Variants in STX7 observed in about 807,000 individuals in gnomAD.
The protein encoded by STX7 is syntaxin 7.
In STX7, 34 loss-of-function variants were observed where a neutral mutation model predicts 39.6. The ratio of observed to expected loss-of-function variants is 0.86; its 90% CI spans 0.65 to 1.14. The LOEUF is 1.14. STX7 is among the 50% of genes most tolerant of loss of function. The pLI is 0.00. For missense variants in STX7, 284 were observed against 310.4 expected, an observed-to-expected ratio of 0.92 and a Z score of 0.64; for synonymous variants, 119 against 99.1, an observed-to-expected ratio of 1.20 and a Z score of -1.19.
intron 2 of STX7, among the ~76,000 whole-genome samples, chr6:132,490,486 G>C (rs567840734): frequency 6.6e-6 from 1 of 152,272 alleles, no homozygotes; most frequent in South Asian, 2.1e-4. Context: ...TTATAGAATG[G>C]GGGAGCAGGT....
At chr6:132,505,934 G>C (rs888150639) in intron 1 of STX7, among the ~76,000 whole-genome samples, 1 of 152,048 alleles carries the variant, frequency 6.6e-6, no homozygotes, top group Non-Finnish European at 1.5e-5. Flanking sequence ...CAGAAGTAAA[G>C]TCACATATCT....
chr6:132,486,096 CT>C (rs548514764), intron 2 of STX7, among the ~76,000 whole-genome samples: 3 of 152,176 alleles, frequency 2.0e-5, no homozygotes, highest in South Asian at 4.1e-4. Flanking sequence ...TTCTAGCAGG[CT>C]TTTTTAAATT....
rs1774048028 is a variant in STX7, at chr6:132,447,737, T to C, written c.*13021A>G. 1 of 152,154 alleles carries C rather than the reference T, an allele frequency of 6.6e-6. No individual in the cohort carries two copies. The highest frequency in any genetic ancestry group is 2.1e-4 in the South Asian group (1 of 4,828). The allele number at this position is 152,154 out of a possible 1,614,324, so 9.4% of individuals were successfully genotyped here. A position where few individuals can be genotyped will look rare whatever the true frequency, so the allele number is the denominator to read the frequency against. ...TATCCTAACCAGGTATATTTGCTTGTTTTATTTTCCCTAATTCTACTTTTT... is the reference window on the plus strand; with the variant it reads ...TATCCTAACCAGGTATATTTGCTTGCTTTATTTTCCCTAATTCTACTTTTT... On this transcript the variant is annotated 3_prime_UTR_variant, in exon 10 of 10. Transcript: ENST00000367941.
Position 132,460,815 on chromosome 6 carries a change from A to G in STX7, c.729T>C (p.Leu243=). Residue 243 remains leucine, a synonymous_variant, in exon 10 of 10, where the codon CTT becomes CTC. Transcript: ENST00000367941. ...TAATCGCAACTCCAATGACAAGGAT[A>G]AGAATGATGATGCACAGGGTTTTTC... ...KSRKTLCIII[L]ILVIGVAIIS... 1 of 1,613,676 alleles carries G rather than the reference A, an allele frequency of 6.2e-7. No individual in the cohort carries two copies. The highest frequency in any genetic ancestry group is 8.5e-7 in the Non-Finnish European group (1 of 1,179,810).
At chr6:132,510,674 C>G (rs1435321203) in intron 1 of STX7, among the ~76,000 whole-genome samples, 1 of 152,120 alleles carries the variant, frequency 6.6e-6, no homozygotes, top group East Asian at 1.9e-4. Flanking sequence ...ATTCATAGAC[C>G]ACTTCCATTA....
chr6:132,497,416 G>T (rs1775444268), intron 2 of STX7, among the ~76,000 whole-genome samples: 1 of 152,070 alleles, frequency 6.6e-6, no homozygotes, highest in Non-Finnish European at 1.5e-5. Context: ...GGCATGAAGG[G>T]GTGTAAGCAC....
intron 5 of STX7, 126 bp downstream of exon 5, chr6:132,471,337 T>C (rs765754869): frequency 9.0e-7 from 1 of 1,108,734 alleles, no homozygotes; most frequent in South Asian, 2.0e-5. Context: ...AAAATAAATA[T>C]TCAAGAGCTG....
rs17191957 is a variant in STX7, at chr6:132,471,270, A to C, written c.387+193T>G. ...AATCTTCTGTACTATGACACAAAAA[A>C]TCACCACCGTAATACAAAATTATCA... On this transcript the variant is annotated intron_variant, in intron 5 of 9. Transcript: ENST00000367941. Among the ~76,000 whole-genome samples, 3,739 of 152,352 alleles carry C rather than the reference A, an allele frequency of 0.025. 64 individuals carry two copies. Among genetic ancestry groups the C allele is most frequent in the Non-Finnish European group, 0.039 (2,678 of 68,026 alleles).
At position 132,503,451 on chromosome 6, in the gene STX7, T is replaced by A. The variant is rs777920429; in HGVS notation, c.80A>T (p.Gln27Leu). The change falls in exon 2 of 10, where the codon CAG (glutamine) becomes CTG (leucine). Residue 27 changes from glutamine (Q) to leucine (L), a missense_variant. By Grantham distance (113) the Gln-to-Leu change is moderately radical (BLOSUM62 -2). Transcript: ENST00000367941. Reference sequence around the variant, plus strand: ...CCATTTAAAACTCAACTCACAACACTGTGTGATCTTCTGGATGTTAGAAGA... The same window carrying A: ...CCATTTAAAACTCAACTCACAACACAGTGTGATCTTCTGGATGTTAGAAGA... ...RISSNIQKIT[Q>L]CSVEIQRTLN... is the part of the protein sequence containing the mutation. The A allele has an allele frequency of 3.1e-6, 5 of 1,613,764 alleles. No homozygotes were observed. In the Admixed American group the frequency reaches 6.7e-5, roughly 22 times the overall value.
intron 2 of STX7, among the ~76,000 whole-genome samples, chr6:132,484,650 T>C (rs1375253572): frequency 2.6e-5 from 4 of 151,966 alleles, no homozygotes; most frequent in South Asian, 2.1e-4. Flanking sequence ...CAGCCAAACA[T>C]AGAAAAAAAA....
At chr6:132,502,715 C>T (rs914684169) in intron 2 of STX7, among the ~76,000 whole-genome samples, 5 of 151,828 alleles carry the variant, frequency 3.3e-5, no homozygotes, top group Admixed American at 6.6e-5. Flanking sequence ...CTGGCTAACA[C>T]GGTGAAACCC....
intron 2 of STX7, among the ~76,000 whole-genome samples, chr6:132,479,804 C>A (rs187739130): frequency 1.3e-5 from 2 of 152,230 alleles, no homozygotes; most frequent in Non-Finnish European, 1.5e-5. Flanking sequence ...TTTCATTCAT[C>A]CTTTGGACTT....
At chr6:132,496,483 C>T (rs543216814) in intron 2 of STX7, among the ~76,000 whole-genome samples, 1 of 152,264 alleles carries the variant, frequency 6.6e-6, no homozygotes, top group East Asian at 1.9e-4. Context: ...AAAAATAATA[C>T]ATAAGCCTTG....
intron 1 of STX7, among the ~76,000 whole-genome samples, chr6:132,508,740 G>A (rs1028378731): frequency 7.8e-6 from 1 of 128,822 alleles, no homozygotes; most frequent in Non-Finnish European, 1.6e-5. Flanking sequence ...TTGAACTCCT[G>A]GGCTCATGCG....
At chr6:132,494,967 G>C (rs1775387323) in intron 2 of STX7, among the ~76,000 whole-genome samples, 1 of 152,176 alleles carries the variant, frequency 6.6e-6, no homozygotes, top group East Asian at 1.9e-4. Context: ...GGCAGAGATG[G>C]AGAGACACAG....
At chr6:132,501,845 G>A (rs928298925) in intron 2 of STX7, among the ~76,000 whole-genome samples, 3 of 151,734 alleles carry the variant, frequency 2.0e-5, no homozygotes, top group African/African-American at 7.3e-5. Context: ...GGGCAGACCA[G>A]TGCTATTTCT....
chr6:132,463,727 A>C (rs1774481050), intron 9 of STX7, among the ~76,000 whole-genome samples: 1 of 152,214 alleles, frequency 6.6e-6, no homozygotes, highest in Non-Finnish European at 1.5e-5. Flanking sequence ...CGGCCATCAG[A>C]AAGCCTAGAA....
intron 2 of STX7, among the ~76,000 whole-genome samples, chr6:132,496,595 CAT>C (rs1198458455): frequency 6.6e-6 from 1 of 152,134 alleles, no homozygotes; most frequent in Non-Finnish European, 1.5e-5. Context: ...CTTAACAAAA[CAT>C]AGAATAATCT....
At chr6:132,492,663 T>C (rs73772503) in intron 2 of STX7, among the ~76,000 whole-genome samples, 2,495 of 152,188 alleles carry the variant, frequency 0.016, 56 homozygotes, top group African/African-American at 0.054. Context: ...CACTTAACAG[T>C]TGTACAAACT....
Sources: gnomAD v4.1 joint callset for allele counts (sites outside exome capture counted in the v4.1 genomes callset) on GRCh38, gnomAD v4.1.1 for gene constraint, MANE v1.5 for transcripts, NCBI Gene and HGNC (gene_info 2026-07-23, HGNC 2026-07-21) for gene names.